The following ATP6V0A4 variants were observed in gnomAD, a reference collection of about 807,000 sequenced individuals.
ATP6V0A4 encodes ATPase H+ transporting V0 subunit a4, also known as V-type proton ATPase 116 kDa subunit a 4.
A neutral mutation model predicts 107.3 loss-of-function variants in ATP6V0A4; 86 were observed. The observed-to-expected ratio is 0.80, with a 90% CI of 0.67 to 0.96. The LOEUF (loss-of-function observed/expected upper bound fraction) is 0.96, where lower values mean the gene tolerates loss of function less well. Ranked by LOEUF, ATP6V0A4 falls within the 40% of genes least tolerant of loss-of-function variation. ATP6V0A4 has a pLI of 0.00. For missense variants in ATP6V0A4, 908 were observed against 1,045.6 expected (o/e 0.87, Z 1.81); for synonymous variants, 353 against 381.4 (o/e 0.93, Z 0.87).
At chr7:138,743,348 C>T (rs2117266132) in intron 14 of ATP6V0A4, among the ~76,000 whole-genome samples, 1 of 151,614 alleles carries the variant, frequency 6.6e-6, no homozygotes, top group East Asian at 1.9e-4. Flanking sequence ...GTCCCAGCTA[C>T]TCAGGAGGCT....
intron 20 of ATP6V0A4, among the ~76,000 whole-genome samples, chr7:138,713,597 A>G: frequency 6.6e-6 from 1 of 152,158 alleles, no homozygotes; most frequent in East Asian, 1.9e-4. Flanking sequence ...TAATCAAGAC[A>G]ATTATAATTG....
At chr7:138,732,387 A>T (rs1805064638) in intron 17 of ATP6V0A4, among the ~76,000 whole-genome samples, 1 of 152,106 alleles carries the variant, frequency 6.6e-6, no homozygotes, top group South Asian at 2.1e-4. Flanking sequence ...TATAGCCCTC[A>T]GTGCTTGCAC....
intron 19 of ATP6V0A4, among the ~76,000 whole-genome samples, chr7:138,718,216 G>A: frequency 2.1e-5 from 1 of 48,270 alleles, no homozygotes; most frequent in African/African-American, 8.3e-5. Context: ...GTGTGTGTGT[G>A]TGTGTGTGTG....
chr7:138,755,862 G>T (rs296911), intron 9 of ATP6V0A4, 80 bp from the exon 10 acceptor site: 8 of 1,567,580 alleles, frequency 5.1e-6, no homozygotes, highest in Admixed American at 1.9e-5. Flanking sequence ...CTAAGACATC[G>T]TTTGCTGACT....
chr7:138,764,949 G>A (rs112590225), intron 5 of ATP6V0A4: 5,350 of 152,682 alleles, frequency 0.035, 330 homozygotes, highest in African/African-American at 0.12. Flanking sequence ...TGTGCCACCA[G>A]GCCCGGCTAA....
intron 2 of ATP6V0A4, among the ~76,000 whole-genome samples, chr7:138,783,692 C>T (rs1808019892): frequency 1.3e-5 from 2 of 152,142 alleles, no homozygotes; most frequent in African/African-American, 2.4e-5. Flanking sequence ...TACCACTGCA[C>T]TCCAGCCAAG....
chr7:138,777,736 A>G (rs1050192463), intron 2 of ATP6V0A4, among the ~76,000 whole-genome samples: 3 of 152,186 alleles, frequency 2.0e-5, no homozygotes, highest in African/African-American at 7.2e-5. Flanking sequence ...CAGTAAAAAT[A>G]AAAACCCTGT....
At chr7:138,787,766 G>A (rs1378223991) in intron 1 of ATP6V0A4, among the ~76,000 whole-genome samples, 1 of 152,202 alleles carries the variant, frequency 6.6e-6, no homozygotes, top group Non-Finnish European at 1.5e-5. Context: ...CAGAGACTGA[G>A]GCGGAAGGAT....
intron 2 of ATP6V0A4, among the ~76,000 whole-genome samples, chr7:138,782,298 A>C (rs7807983): frequency 0.58 from 87,787 of 152,006 alleles, 25,725 homozygotes; most frequent in African/African-American, 0.65. Flanking sequence ...ATGCCTTCAC[A>C]TTCACATGTG....
At chr7:138,745,078 C>A (rs55843107) in intron 14 of ATP6V0A4, 45 bp downstream of exon 14, 1 of 1,548,572 alleles carries the variant, frequency 6.5e-7, no homozygotes, top group East Asian at 2.2e-5. Flanking sequence ...TCACTGAGGC[C>A]ACCTGGATGG....
At chr7:138,762,105 T>A (rs943213242) in intron 7 of ATP6V0A4, among the ~76,000 whole-genome samples, 3 of 152,138 alleles carry the variant, frequency 2.0e-5, no homozygotes, top group Non-Finnish European at 4.4e-5. Context: ...GGGAGCAATA[T>A]AAACATTGCA....
rs1803438410 is a variant in ATP6V0A4, at chr7:138,707,185, T to TATAAA, written c.2430-469_2430-468insTTTAT. On this transcript the variant is annotated intron_variant, in intron 21 of 21. Transcript: ENST00000310018. ...AATATATTATATATATTATATAATA[T>TATAAA]ATTATATATATTATATAATATATTA... 2.8e-5 allele frequency among the ~76,000 whole-genome samples: 2 copies of TATAAA among 72,060 alleles called. 1 individual carries two copies. Among genetic ancestry groups the TATAAA allele is most frequent in the African/African-American group, 1.3e-4 (2 of 15,502 alleles). The allele number at this position is 72,060 out of a possible 152,430, so 47.3% of individuals were successfully genotyped here.
chr7:138,797,212 T>C (rs559552883), intron 1 of ATP6V0A4, among the ~76,000 whole-genome samples: 8 of 117,264 alleles, frequency 6.8e-5, no homozygotes, highest in South Asian at 5.3e-4. Context: ...CATTTTCTTT[T>C]TTTTTTTTTT....
intron 14 of ATP6V0A4, among the ~76,000 whole-genome samples, chr7:138,740,377 G>A (rs1805565744): frequency 6.6e-6 from 1 of 150,582 alleles, no homozygotes; most frequent in African/African-American, 2.4e-5. Context: ...CTTTAAATCT[G>A]TGTCCCCTTT....
chr7:138,732,828 T>G, intron 17 of ATP6V0A4, 49 bp downstream of exon 17: 2 of 1,444,210 alleles, frequency 1.4e-6, no homozygotes. Flanking sequence ...AAATTTGACA[T>G]AATCAAGTAA....
chr7:138,732,990 A>G lies in ATP6V0A4; in HGVS notation c.1795T>C (p.Cys599Arg). The part of the protein sequence containing the change: ...YLVFMIIFKW[C>R]CFDVHVSQHA... ...TGAGATACATGGACGTCAAAGCAGCACCATTTGAAAATGATCATGAAAACC... is the reference window on the plus strand; with the variant it reads ...TGAGATACATGGACGTCAAAGCAGCGCCATTTGAAAATGATCATGAAAACC... The change falls in exon 17 of 22, where the codon TGC (cysteine) becomes CGC (arginine). Residue 599 changes from cysteine (C) to arginine (R), a missense_variant. Transcript: ENST00000310018. 1 of 1,614,092 alleles carries G rather than the reference A, an allele frequency of 6.2e-7. No homozygotes were observed. Among genetic ancestry groups the G allele is most frequent in the Middle Eastern group, 1.6e-4 (1 of 6,062 alleles).
intron 11 of ATP6V0A4, among the ~76,000 whole-genome samples, chr7:138,752,397 C>A (rs939576335): frequency 1.3e-5 from 2 of 150,312 alleles, no homozygotes; most frequent in African/African-American, 4.9e-5. Context: ...AACCTCAATA[C>A]GTACTCACAA....
intron 1 of ATP6V0A4, among the ~76,000 whole-genome samples, chr7:138,792,792 TTTTTTG>T: frequency 7.5e-6 from 1 of 132,516 alleles, no homozygotes; most frequent in Non-Finnish European, 1.6e-5. Context: ...TTTTGTTTTT[TTTTTTG>T]TAGCAACAGA....
chr7:138,759,901 A>G, intron 7 of ATP6V0A4, 23 bp from the exon 8 acceptor site: 1 of 1,613,974 alleles, frequency 6.2e-7, no homozygotes. Flanking sequence ...AAGGGAAGAC[A>G]TTCCTTAAGG....
Sources: allele counts gnomAD v4.1 joint callset (sites outside exome capture counted in the v4.1 genomes callset), GRCh38; gene constraint gnomAD v4.1.1; transcripts MANE v1.5; gene names NCBI Gene and HGNC (gene_info 2026-07-23, HGNC 2026-07-21).